Variants in TENM3 observed in about 807,000 individuals in gnomAD.
TENM3 encodes teneurin-3.
A neutral mutation model predicts 255.1 loss-of-function variants in TENM3; 63 were observed. That is an observed-to-expected ratio of 0.25 (90% confidence interval 0.20 to 0.30). TENM3 has a LOEUF of 0.30. Among genes scored for constraint, TENM3 ranks in the 10% least tolerant of loss-of-function variants. The pLI, the probability that TENM3 is intolerant of heterozygous loss-of-function variation, is 1.00. For missense variants in TENM3, 2,929 were observed against 3,461.1 expected, an observed-to-expected ratio of 0.85 and a Z score of 3.86; for synonymous variants, 1,306 against 1,322.3, an observed-to-expected ratio of 0.99 and a Z score of 0.27.
At chr4:182,583,649 T>TA (rs2152366687) in intron 3 of TENM3, among the ~76,000 whole-genome samples, 1 of 152,228 alleles carries the variant, frequency 6.6e-6, no homozygotes, top group East Asian at 1.9e-4. Context: ...AGATCTTTGA[T>TA]ATATGAAAAT....
chr4:181,946,627 A>G, the TENM3 span, among the ~76,000 whole-genome samples: 9 of 152,302 alleles, frequency 5.9e-5, no homozygotes, highest in East Asian at 1.5e-3. Flanking sequence ...CTTTATATTT[A>G]TATCTCCCCT....
At chr4:182,263,126 C>G (rs560291860) in intron 1 of TENM3, among the ~76,000 whole-genome samples, 1 of 152,064 alleles carries the variant, frequency 6.6e-6, no homozygotes, top group African/African-American at 2.4e-5. Context: ...TGTCTGGCGA[C>G]CGCGAAGGGA....
intron 1 of TENM3, among the ~76,000 whole-genome samples, chr4:182,163,485 C>T (rs1399400566): frequency 6.6e-6 from 1 of 152,220 alleles, no homozygotes. Context: ...TCAGGTTAAA[C>T]ATTCTCTGTG....
At chr4:182,476,779 T>C (rs759072059) in intron 3 of TENM3, among the ~76,000 whole-genome samples, 1 of 152,178 alleles carries the variant, frequency 6.6e-6, no homozygotes, top group Non-Finnish European at 1.5e-5. Context: ...TAAGAACTTA[T>C]TATCGATGGG....
chr4:182,067,195 A>G, the TENM3 span, among the ~76,000 whole-genome samples: 1 of 152,152 alleles, frequency 6.6e-6, no homozygotes. Flanking sequence ...TCCTTTCAGG[A>G]ACTTTTAGAG....
intron 1 of TENM3, among the ~76,000 whole-genome samples, chr4:182,183,422 C>T (rs1752956279): frequency 6.6e-6 from 1 of 152,048 alleles, no homozygotes; most frequent in Non-Finnish European, 1.5e-5. Context: ...GTTCATTTTT[C>T]TTGCTTGAGG....
chr4:182,640,942 C>T (rs138394684), intron 5 of TENM3, among the ~76,000 whole-genome samples: 8 of 152,292 alleles, frequency 5.3e-5, no homozygotes, highest in African/African-American at 1.9e-4. Flanking sequence ...GACTGATGTC[C>T]TCTGTCCAAA....
At chr4:182,504,254 G>A (rs1341565378) in intron 3 of TENM3, among the ~76,000 whole-genome samples, 1 of 151,052 alleles carries the variant, frequency 6.6e-6, no homozygotes, top group Non-Finnish European at 1.5e-5. Context: ...TGGTTTTTGT[G>A]GTTTATACCT....
intron 3 of TENM3, among the ~76,000 whole-genome samples, chr4:182,590,977 C>T (rs747212535): frequency 3.9e-5 from 6 of 152,160 alleles, no homozygotes; most frequent in African/African-American, 9.7e-5. Flanking sequence ...TTGGCTTATT[C>T]TTTCTTTCCA....
At chr4:182,679,977 T>C in intron 8 of TENM3, 101 bp downstream of exon 8, 1 of 1,021,006 alleles carries the variant, frequency 9.8e-7, no homozygotes, top group Non-Finnish European at 1.4e-6. Flanking sequence ...ATTCCTAGGG[T>C]GTTAAAGCCC....
the TENM3 span, among the ~76,000 whole-genome samples, chr4:181,736,113 C>T: frequency 2.6e-5 from 4 of 152,160 alleles, no homozygotes; most frequent in Admixed American, 2.0e-4. Context: ...GCCTGGCCAA[C>T]ATGGTGAAAC....
chr4:181,625,414 C>A, the TENM3 span, among the ~76,000 whole-genome samples: 3 of 152,140 alleles, frequency 2.0e-5, no homozygotes, highest in Non-Finnish European at 4.4e-5. Context: ...TCTGCTACGT[C>A]CTGCCCATCA....
At chr4:181,553,260 A>AGTGTGTGTGT in the TENM3 span, among the ~76,000 whole-genome samples, 514 of 133,542 alleles carry the variant, frequency 3.8e-3, 6 homozygotes, top group South Asian at 0.012. Flanking sequence ...ATAGTCATTA[A>AGTGTGTGTGT]GTGTGTGTGT....
chr4:182,268,686 C>T (rs759543082), intron 1 of TENM3, among the ~76,000 whole-genome samples: 21 of 152,144 alleles, frequency 1.4e-4, no homozygotes, highest in Non-Finnish European at 2.6e-4. Flanking sequence ...AAGATGATGA[C>T]AAGAGTGACC....
the TENM3 span, among the ~76,000 whole-genome samples, chr4:182,088,662 A>G: frequency 2.0e-5 from 3 of 151,986 alleles, no homozygotes; most frequent in Non-Finnish European, 4.4e-5. Flanking sequence ...GTGAAACCCC[A>G]TCTCTACTAA....
At chr4:182,295,330 C>T (rs1167462132) in intron 1 of TENM3, among the ~76,000 whole-genome samples, 1 of 130,326 alleles carries the variant, frequency 7.7e-6, no homozygotes, top group Non-Finnish European at 1.5e-5. Flanking sequence ...TGCAGTGATG[C>T]GATCTCGGCT....
intron 13 of TENM3, among the ~76,000 whole-genome samples, chr4:182,726,504 G>A (rs1760197555): frequency 6.6e-6 from 1 of 152,156 alleles, no homozygotes; most frequent in African/African-American, 2.4e-5. Flanking sequence ...CAGCCTCACA[G>A]AACAAGCCTG....
intron 11 of TENM3, among the ~76,000 whole-genome samples, chr4:182,686,411 C>T (rs1756576373): frequency 6.6e-6 from 1 of 152,004 alleles, no homozygotes; most frequent in African/African-American, 2.4e-5. Context: ...TGTTAATTTA[C>T]ATTTGTGGCT....
chr4:182,213,482 T>C (rs1755192145), intron 1 of TENM3, among the ~76,000 whole-genome samples: 1 of 152,200 alleles, frequency 6.6e-6, no homozygotes, highest in African/African-American at 2.4e-5. Flanking sequence ...AAGATAGCCT[T>C]TCCATAATTC....
Sources: allele counts gnomAD v4.1 joint callset (sites outside exome capture counted in the v4.1 genomes callset), GRCh38; gene constraint gnomAD v4.1.1; transcripts MANE v1.5; gene names NCBI Gene and HGNC (gene_info 2026-07-23, HGNC 2026-07-21).